The following SERPINB2 variants were observed in gnomAD, a reference collection of about 807,000 sequenced individuals.
SERPINB2 encodes the protein plasminogen activator inhibitor 2.
SERPINB2 carries 28 observed loss-of-function variants against 39.4 expected under a neutral mutation model. That is an observed-to-expected ratio of 0.71 (90% CI 0.53 to 0.97). The LOEUF is 0.97. Ranked by LOEUF, SERPINB2 falls within the 50% of genes least tolerant of loss-of-function variation. The pLI is 0.00. For missense variants in SERPINB2, 557 were observed against 505.3 expected (o/e 1.10, Z -0.98); for synonymous variants, 209 against 175.1 (o/e 1.19, Z -1.53).
intron 2 of SERPINB2, among the ~76,000 whole-genome samples, chr18:63,893,469 T>C (rs1458489306): frequency 6.6e-6 from 1 of 152,164 alleles, no homozygotes; most frequent in Non-Finnish European, 1.5e-5. Flanking sequence ...TATCGTCTTT[T>C]GACAACTCTG....
At position 63,903,313 on chromosome 18, in the gene SERPINB2, C is replaced by G; in HGVS notation, c.*8C>G. 6.8e-7 allele frequency: 1 copy of G among 1,477,474 alleles called. No individual in the cohort carries two copies. The highest frequency in any genetic ancestry group is 1.4e-5 in the African/African-American group (1 of 70,294). The allele number at this position is 1,477,474 out of a possible 1,614,324, so 91.5% of individuals were successfully genotyped here. On this transcript the variant is annotated 3_prime_UTR_variant, in exon 8 of 8. Coordinates refer to ENST00000299502, the MANE Select transcript of SERPINB2 (RefSeq NM_002575.3). ...AGATTTTCCTCACCCTAAAACTAAG[C>G]GTGCTGCTTCTGCAAAAGATTTTTG... is the stretch of plus-strand genomic sequence containing the variant.
chr18:63,897,120 C>T lies in SERPINB2; in HGVS notation c.318C>T (p.Ser106=), dbSNP rs770768315. ...AAGCTGCAGATAAAATCCATTCATC[C>T]TTCCGCTCTCTCAGCTCTGCAATCA... is the stretch of plus-strand genomic sequence containing the variant. ...QAQAADKIHS[S]FRSLSSAINA... The change falls in exon 4 of 8, where the codon TCC becomes TCT. Residue 106 remains serine, a synonymous_variant. Transcript: ENST00000299502. The T allele has an allele frequency of 5.0e-6, 8 of 1,612,780 alleles. No homozygotes were observed. In the East Asian group the frequency reaches 1.1e-4, roughly 22 times the overall value.
chr18:63,891,380 C>T, intron 1 of SERPINB2, 56 bp from the exon 2 acceptor site: 1 of 1,587,892 alleles, frequency 6.3e-7, no homozygotes, highest in Admixed American at 1.7e-5. Context: ...CTGACCTCAC[C>T]CAAAATGTTA....
At chr18:63,890,266 C>A (rs1261363358) in intron 1 of SERPINB2, among the ~76,000 whole-genome samples, 1 of 152,120 alleles carries the variant, frequency 6.6e-6, no homozygotes, top group African/African-American at 2.4e-5. Flanking sequence ...GACCAATGGT[C>A]CTTGTTGGAG....
chr18:63,894,190 C>T (rs1336583216), intron 2 of SERPINB2, among the ~76,000 whole-genome samples: 1 of 152,056 alleles, frequency 6.6e-6, no homozygotes, highest in African/African-American at 2.4e-5. Context: ...CCCAAAGAAC[C>T]CTGATTTAAG....
Position 63,897,168 on chromosome 18 carries a change from A to T in SERPINB2, c.366A>T (p.Leu122Phe), listed in dbSNP as rs752809428. 1.1e-5 allele frequency: 17 copies of T among 1,613,394 alleles called. No homozygotes were observed. Among genetic ancestry groups the T allele is most frequent in the Non-Finnish European group, 1.4e-5 (16 of 1,179,618 alleles). The change falls in exon 4 of 8, where the codon TTA becomes TTT. Residue 122 changes from leucine to phenylalanine, a missense_variant. Coordinates refer to ENST00000299502, the MANE Select transcript of SERPINB2 (RefSeq NM_002575.3). ...SAINASTGNY[L>F]LESVNKLFGE... The stretch of plus-strand genomic sequence containing the variant: ...TCAATGCATCCACAGGGAATTATTT[A>T]CTGGAAAGTGTCAATAAGCTGTTTG...
At chr18:63,895,000 A>T (rs957031178) in intron 2 of SERPINB2, among the ~76,000 whole-genome samples, 1 of 152,046 alleles carries the variant, frequency 6.6e-6, no homozygotes, top group African/African-American at 2.4e-5. Context: ...GTTTTAAATC[A>T]TTTCATAATA....
intron 1 of SERPINB2, among the ~76,000 whole-genome samples, chr18:63,891,170 A>G (rs62099125): frequency 0.024 from 3,678 of 152,240 alleles, 124 homozygotes; most frequent in African/African-American, 0.072. Flanking sequence ...CTGGTGCACA[A>G]TGAAAATGTG....
chr18:63,902,009 T>C (rs933304029), intron 6 of SERPINB2, 127 bp downstream of exon 6: 3 of 906,990 alleles, frequency 3.3e-6, no homozygotes, highest in African/African-American at 1.8e-5. Flanking sequence ...GGACAGTTGA[T>C]TGACTCTTTA....
At chr18:63,898,873 C>T (rs546482727) in intron 5 of SERPINB2, among the ~76,000 whole-genome samples, 3 of 152,078 alleles carry the variant, frequency 2.0e-5, no homozygotes, top group Non-Finnish European at 4.4e-5. Flanking sequence ...AGAGTCTGGT[C>T]TGACTGCAGT....
chr18:63,888,946 A>C (rs1427564188), intron 1 of SERPINB2, among the ~76,000 whole-genome samples: 1 of 152,254 alleles, frequency 6.6e-6, no homozygotes, highest in Non-Finnish European at 1.5e-5. Context: ...TCATTCAAAC[A>C]TAAAGTATGG....
Position 63,902,898 on chromosome 18 carries a change from C to A in SERPINB2, c.844-3C>A, listed in dbSNP as rs887644911. On this transcript the variant is annotated splice_polypyrimidine_tract_variant and splice_region_variant and intron_variant, in intron 7 of 7. Transcript: ENST00000299502. ...GTTTGTTTTGTTTTGTTTTGCTTTG[C>A]AGCTGGAAAGTGAAATAACCTATGA... 1.6e-5 allele frequency: 25 copies of A among 1,575,936 alleles called. No homozygotes were observed. In the African/African-American group the frequency reaches 3.0e-4, roughly 19 times the overall value.
intron 5 of SERPINB2, among the ~76,000 whole-genome samples, chr18:63,899,027 A>G (rs1485818675): frequency 6.6e-6 from 1 of 152,192 alleles, no homozygotes; most frequent in Admixed American, 6.6e-5. Context: ...AGTTCTCAGT[A>G]ATCCAGTTGA....
chr18:63,902,892 G>T lies in SERPINB2; in HGVS notation c.844-9G>T, dbSNP rs750929799. ...TCTTTTGTTTGTTTTGTTTTGTTTTGCTTTGCAGCTGGAAAGTGAAATAAC... is the reference window on the plus strand; with the variant it reads ...TCTTTTGTTTGTTTTGTTTTGTTTTTCTTTGCAGCTGGAAAGTGAAATAAC... On this transcript the variant is annotated splice_polypyrimidine_tract_variant and intron_variant, in intron 7 of 7. Coordinates refer to ENST00000299502, the MANE Select transcript of SERPINB2 (RefSeq NM_002575.3). 2 of 1,566,188 alleles carry T rather than the reference G, an allele frequency of 1.3e-6. No homozygotes were observed. Among genetic ancestry groups the T allele is most frequent in the Non-Finnish European group, 1.7e-6 (2 of 1,155,954 alleles).
chr18:63,891,693 G>A, intron 2 of SERPINB2, 81 bp downstream of exon 2: 1 of 1,401,928 alleles, frequency 7.1e-7, no homozygotes, highest in Non-Finnish European at 9.6e-7. Flanking sequence ...TTATGCTAAA[G>A]ACATTTTAAC....
intron 6 of SERPINB2, 30 bp downstream of exon 6, chr18:63,901,912 C>T (rs1338312709): frequency 6.3e-7 from 1 of 1,578,162 alleles, no homozygotes; most frequent in East Asian, 2.3e-5. Context: ...ATCTTCCTAG[C>T]ATATATTTTA....
At chr18:63,887,880 G>A (rs965324475) in intron 1 of SERPINB2, 110 bp downstream of exon 1, 2 of 152,198 alleles carry the variant, frequency 1.3e-5, no homozygotes, top group African/African-American at 4.8e-5. Flanking sequence ...TGTTTGTAGA[G>A]GGCGAGTAAA....
intron 2 of SERPINB2, among the ~76,000 whole-genome samples, chr18:63,891,972 G>C (rs1341054098): frequency 6.6e-6 from 1 of 152,080 alleles, no homozygotes; most frequent in Non-Finnish European, 1.5e-5. Flanking sequence ...TTACAGATGA[G>C]AGCCCTGGTG....
Position 63,895,382 on chromosome 18 carries a change from A to C in SERPINB2, c.287A>C (p.Gln96Pro). The change falls in exon 3 of 8, where the codon CAG becomes CCG. Residue 96 changes from glutamine to proline, a missense_variant and splice_region_variant. Transcript: ENST00000299502. ...QKGSYPDAIL[Q>P]AQAADKIHSS... is the part of the protein sequence containing the mutation. The stretch of plus-strand genomic sequence containing the variant: ...GGTAGTTATCCTGATGCGATTTTGC[A>C]GGTATCTGACTTACTGGTCCAAATT... The C allele has an allele frequency of 6.2e-7, 1 of 1,613,952 alleles. No homozygotes were observed. Among genetic ancestry groups the C allele is most frequent in the South Asian group, 1.1e-5 (1 of 91,042 alleles).
Sources: allele counts gnomAD v4.1 joint callset (sites outside exome capture counted in the v4.1 genomes callset), GRCh38; gene constraint gnomAD v4.1.1; transcripts MANE v1.5; gene names NCBI Gene and HGNC (gene_info 2026-07-23, HGNC 2026-07-21).